Variants in PLG observed in about 807,000 individuals in gnomAD.
PLG encodes the protein plasmin.
Under a neutral mutation model 104.4 loss-of-function variants are expected in PLG, and 41 were observed. That is an observed-to-expected ratio of 0.39 (90% CI 0.31 to 0.51). PLG has a LOEUF of 0.51. Ranked by LOEUF, PLG falls within the 20% of genes least tolerant of loss-of-function variation. The pLI is 0.76. For synonymous variants in PLG, 337 were observed against 357.1 expected (o/e 0.94, Z 0.63); for missense variants, 891 against 1,003.6 (o/e 0.89, Z 1.52).
intron 10 of PLG, among the ~76,000 whole-genome samples, chr6:160,729,220 G>A (rs1409751500): frequency 6.6e-6 from 1 of 152,136 alleles, no homozygotes; most frequent in African/African-American, 2.4e-5. Flanking sequence ...ACACTTAATG[G>A]GCATGGGTAT....
intron 10 of PLG, among the ~76,000 whole-genome samples, chr6:160,727,793 G>T (rs910331435): frequency 4.0e-5 from 6 of 151,890 alleles, no homozygotes; most frequent in African/African-American, 1.2e-4. Flanking sequence ...TTGATCAAAG[G>T]CATCTACAAA....
rs925583568 is a variant in PLG at position 160,719,068 on chromosome 6, C to T, written c.1096+230C>T. Among the ~76,000 whole-genome samples, 3 of 152,132 alleles carry T rather than the reference C, an allele frequency of 2.0e-5. No homozygotes were observed. The highest frequency in any genetic ancestry group is 7.2e-5 in the African/African-American group (3 of 41,408). On this transcript the variant is annotated intron_variant, in intron 9 of 18. Coordinates refer to ENST00000308192, the MANE Select transcript of PLG (RefSeq NM_000301.5). This position sits in a 1 kb window ranked among gnomAD's most constrained non-coding sequence, Gnocchi z 4.1. Reference sequence around the variant, plus strand: ...GCTCTTGAAAAGAATGTGTCTTCTGCGGTTGTTGGGTGGGGTGTTCCCTCA... The same window carrying T: ...GCTCTTGAAAAGAATGTGTCTTCTGTGGTTGTTGGGTGGGGTGTTCCCTCA...
In PLG at chr6:160,719,216, A is replaced by G. The variant is rs915092899; in HGVS notation, c.1096+378A>G. ...TCCAACTTTAACTGTAAATTAGTCT[A>G]TTTCTCTTTTAGATCGTAACTCTTT... On this transcript the variant is annotated intron_variant, in intron 9 of 18. Transcript: ENST00000308192. This position sits in a 1 kb window ranked among gnomAD's most constrained non-coding sequence, Gnocchi z 4.1. Among the ~76,000 whole-genome samples the G allele has an allele frequency of 5.9e-5, 9 of 152,006 alleles. No homozygotes were observed. Among genetic ancestry groups the G allele is most frequent in the Admixed American group, 5.2e-4 (8 of 15,266 alleles).
chr6:160,727,385 T>C (rs1238645484), intron 10 of PLG, among the ~76,000 whole-genome samples: 1 of 147,118 alleles, frequency 6.8e-6, no homozygotes, highest in African/African-American at 2.6e-5. Flanking sequence ...TTAAAAAAAA[T>C]CCAATTCTTC....
At chr6:160,748,444 G>GAAAGAAAGAAA (rs1314017241) in intron 17 of PLG, among the ~76,000 whole-genome samples, 1 of 24,432 alleles carries the variant, frequency 4.1e-5, no homozygotes, top group Non-Finnish European at 6.6e-5. Context: ...AAGAAAGAAG[G>GAAAGAAAGAAA]GAGGGAGGGA....
At chr6:160,707,677 G>T in intron 2 of PLG, 23 bp from the exon 3 acceptor site, 1 of 1,551,268 alleles carries the variant, frequency 6.4e-7, no homozygotes, top group South Asian at 1.1e-5. Flanking sequence ...AATACTTATT[G>T]GATTTCCTGC....
intron 3 of PLG, chr6:160,708,744 C>T (rs1777579108): frequency 6.6e-6 from 1 of 152,100 alleles, no homozygotes; most frequent in African/African-American, 2.4e-5. Flanking sequence ...CTCTAAGTAG[C>T]ATTTTAAATA....
At position 160,724,496 on chromosome 6, in the gene PLG, T is replaced by C. The variant is rs1413806927; in HGVS notation, c.1256+1929T>C. 6.6e-6 allele frequency among the ~76,000 whole-genome samples: 1 copy of C among 152,036 alleles called. No individual in the cohort carries two copies. Among genetic ancestry groups the C allele is most frequent in the Non-Finnish European group, 1.5e-5 (1 of 68,000 alleles). On this transcript the variant is annotated intron_variant, in intron 10 of 18. Transcript: ENST00000308192. The surrounding 1 kb of genome is among the most constrained non-coding windows in gnomAD (Gnocchi z 5.0). ...TGAAAATATCAAAAGATTTCATATA[T>C]GTGTAAAGCAAGTCACAAGAGAGGA... is the stretch of plus-strand genomic sequence containing the variant.
intron 17 of PLG, among the ~76,000 whole-genome samples, chr6:160,742,795 C>A (rs1014944707): frequency 2.0e-5 from 3 of 152,074 alleles, no homozygotes; most frequent in Non-Finnish European, 4.4e-5. Flanking sequence ...ACATTTAAGT[C>A]TTTAATCCAT....
At chr6:160,706,243 G>A (rs565394009) in intron 1 of PLG, 164 bp from the exon 2 acceptor site, 2 of 884,452 alleles carry the variant, frequency 2.3e-6, no homozygotes, top group Non-Finnish European at 1.8e-6. Flanking sequence ...CCGACTGTGT[G>A]TTCTTAACTA....
chr6:160,729,663 G>T lies in PLG; in HGVS notation c.1257-1388G>T, dbSNP rs529714242. Among the ~76,000 whole-genome samples, 3 of 152,314 alleles carry T rather than the reference G, an allele frequency of 2.0e-5. No individual in the cohort carries two copies. The East Asian group carries it at 5.8e-4, about 29-fold the overall frequency. On this transcript the variant is annotated intron_variant, in intron 10 of 18. Transcript: ENST00000308192. ...TTCTGTATGAGCCCATTTATATCAG[G>T]TTTGAGGAGAGGTAAAACTAATCTT...
intron 10 of PLG, among the ~76,000 whole-genome samples, chr6:160,729,292 C>T (rs1777962196): frequency 6.6e-6 from 1 of 152,186 alleles, no homozygotes; most frequent in South Asian, 2.1e-4. Flanking sequence ...GCAGCTCTCG[C>T]ATACGCTGGT....
Position 160,752,231 on chromosome 6 carries a change from C to A in PLG, c.2242C>A (p.His748Asn), listed in dbSNP as rs968596889. 1.2e-6 allele frequency: 2 copies of A among 1,613,966 alleles called. No individual in the cohort carries two copies. The highest frequency in any genetic ancestry group is 4.5e-5 in the East Asian group (2 of 44,878). Residue 748 changes from histidine to asparagine, a missense_variant, in exon 18 of 19, where the codon CAT becomes AAT. By Grantham distance (68) the His-to-Asn change is moderately conservative. This residue lies in a region of PLG where 854 missense variants were observed against 932.1 expected (regional missense o/e 0.92). Coordinates refer to ENST00000308192, the MANE Select transcript of PLG (RefSeq NM_000301.5). The surrounding 1 kb of genome is among the most constrained non-coding windows in gnomAD (Gnocchi z 4.7). ...RVQSTELCAG[H>N]LAGGTDSCQG... Reference sequence around the variant, plus strand: ...CCAATCCACCGAACTCTGTGCTGGGCATTTGGCCGGAGGCACTGACAGTTG... The same window carrying A: ...CCAATCCACCGAACTCTGTGCTGGGAATTTGGCCGGAGGCACTGACAGTTG...
Position 160,740,004 on chromosome 6 carries a change from A to G in PLG, c.2018+796A>G, listed in dbSNP as rs1276139592. On this transcript the variant is annotated intron_variant, in intron 16 of 18. Coordinates refer to ENST00000308192, the MANE Select transcript of PLG (RefSeq NM_000301.5). The surrounding 1 kb of genome is among the most constrained non-coding windows in gnomAD (Gnocchi z 5.2). ...TAGTTGAGTCAGCTAAGAAACAGCT[A>G]TTTGTAGGAGAAGCAGGTTTGGGAC... Among the ~76,000 whole-genome samples the G allele has an allele frequency of 1.3e-5, 2 of 152,164 alleles. No individual in the cohort carries two copies. The highest frequency in any genetic ancestry group is 4.8e-5 in the African/African-American group (2 of 41,430).
chr6:160,737,721 T>C lies in PLG; in HGVS notation c.1802+714T>C, dbSNP rs1007836447. Reference sequence around the variant, plus strand: ...CGAGGGTGCCTGTGCTCAATTGCTGTTTTCCCCTAAAGAGACTCTTTTCCA... The same window carrying C: ...CGAGGGTGCCTGTGCTCAATTGCTGCTTTCCCCTAAAGAGACTCTTTTCCA... On this transcript the variant is annotated intron_variant, in intron 14 of 18. Coordinates refer to ENST00000308192, the MANE Select transcript of PLG (RefSeq NM_000301.5). This position sits in a 1 kb window ranked among gnomAD's most constrained non-coding sequence, Gnocchi z 4.7. 4.6e-5 allele frequency among the ~76,000 whole-genome samples: 7 copies of C among 152,176 alleles called. No homozygotes were observed. Among genetic ancestry groups the C allele is most frequent in the African/African-American group, 1.7e-4 (7 of 41,444 alleles).
intron 1 of PLG, among the ~76,000 whole-genome samples, chr6:160,704,680 T>A (rs561475082): frequency 1.1e-4 from 16 of 152,224 alleles, no homozygotes; most frequent in African/African-American, 3.9e-4. Flanking sequence ...AGCTTTAGAA[T>A]GCATCAGCCA....
In PLG at chr6:160,753,041, G is replaced by C. The variant is rs762034623; in HGVS notation, c.2413G>C (p.Gly805Arg). Reference sequence around the variant, plus strand: ...TTCAAGGTTTGTTACTTGGATTGAGGGAGTGATGAGAAATAATTAATTGGA... The same window carrying C: ...TTCAAGGTTTGTTACTTGGATTGAGCGAGTGATGAGAAATAATTAATTGGA... ...RVSRFVTWIE[G>R]VMRNN Residue 805 changes from glycine (G) to arginine (R), a missense_variant, in exon 19 of 19, where the codon GGA (glycine) becomes CGA (arginine). This residue lies in a region of PLG where 37 missense variants were observed against 71.5 expected (regional missense o/e 0.52). Transcript: ENST00000308192. The surrounding 1 kb of genome is among the most constrained non-coding windows in gnomAD (Gnocchi z 5.4). The C allele has an allele frequency of 3.8e-6, 6 of 1,589,140 alleles. No homozygotes were observed. The highest frequency in any genetic ancestry group is 5.2e-6 in the Non-Finnish European group (6 of 1,158,694).
At chr6:160,714,708 G>A (rs1026877194) in intron 5 of PLG, 86 bp from the exon 6 acceptor site, 14 of 1,359,298 alleles carry the variant, frequency 1.0e-5, no homozygotes, top group East Asian at 6.9e-5. Flanking sequence ...ACTTAAGTGA[G>A]TAGGATTCTG....
chr6:160,715,903 T>C (rs1318100559), intron 6 of PLG, among the ~76,000 whole-genome samples: 1 of 152,194 alleles, frequency 6.6e-6, no homozygotes, highest in African/African-American at 2.4e-5. Flanking sequence ...GCATTTACAA[T>C]CAGAGAGGGA....
Sources: allele counts gnomAD v4.1 joint callset (sites outside exome capture counted in the v4.1 genomes callset), GRCh38; gene constraint gnomAD v4.1.1; regional missense constraint gnomAD v4.1.1; non-coding constraint Gnocchi (gnomAD v3.1); transcripts MANE v1.5; gene names NCBI Gene and HGNC (gene_info 2026-07-23, HGNC 2026-07-21).